The following C2CD5 variants were observed in gnomAD, a reference collection of about 807,000 sequenced individuals.
C2CD5 encodes the protein C2 calcium dependent domain containing 5.
C2CD5 carries 109 observed loss-of-function variants against 130.3 expected under a neutral mutation model. The observed-to-expected ratio is 0.84, with a 90% CI of 0.72 to 0.98. C2CD5 has a LOEUF of 0.98. Among genes scored for constraint, C2CD5 ranks in the 50% least tolerant of loss-of-function variants. The pLI is 0.00. For synonymous variants in C2CD5, 454 were observed against 429.2 expected, an observed-to-expected ratio of 1.06 and a Z score of -0.71; for missense variants, 996 against 1,261.8, an observed-to-expected ratio of 0.79 and a Z score of 3.19.
At chr12:22,532,008 G>A (rs774399719) in intron 3 of C2CD5, among the ~76,000 whole-genome samples, 3 of 152,098 alleles carry the variant, frequency 2.0e-5, no homozygotes, top group East Asian at 3.9e-4. Context: ...TCTGCCAAAC[G>A]CTGAATGTCT....
At chr12:22,475,082 T>C (rs1943651304) in intron 15 of C2CD5, among the ~76,000 whole-genome samples, 191 bp from the exon 16 acceptor site, 1 of 152,032 alleles carries the variant, frequency 6.6e-6, no homozygotes, top group Non-Finnish European at 1.5e-5. Flanking sequence ...GATACACGAA[T>C]CAGAAAAATA....
chr12:22,525,714 T>A lies in C2CD5; in HGVS notation c.350-9A>T, dbSNP rs761612845. The A allele has an allele frequency of 4.5e-6, 6 of 1,340,958 alleles. No individual in the cohort carries two copies. The Admixed American group carries it at 8.8e-5, about 20-fold the overall frequency. The allele number at this position is 1,340,958 out of a possible 1,614,324, so 83.1% of individuals were successfully genotyped here. On this transcript the variant is annotated splice_polypyrimidine_tract_variant and intron_variant, in intron 4 of 26. Transcript: ENST00000446597. ...GATTTCCCCACGGATACCTATAAATTTAAAAAGAAAATCAAGTTTCTACCT... is the reference window on the plus strand; with the variant it reads ...GATTTCCCCACGGATACCTATAAATATAAAAAGAAAATCAAGTTTCTACCT...
At chr12:22,526,278 A>T (rs12299616) in intron 4 of C2CD5, among the ~76,000 whole-genome samples, 5,887 of 152,238 alleles carry the variant, frequency 0.039, 380 homozygotes, top group African/African-American at 0.13. Flanking sequence ...TGATGATGAT[A>T]ATGATTATGG....
chr12:22,495,693 G>C, intron 10 of C2CD5, among the ~76,000 whole-genome samples: 1 of 151,994 alleles, frequency 6.6e-6, no homozygotes, highest in East Asian at 1.9e-4. Flanking sequence ...TATTTAATAA[G>C]TATTTACAAG....
chr12:22,467,917 A>G (rs1054210174), intron 22 of C2CD5, among the ~76,000 whole-genome samples: 2 of 152,208 alleles, frequency 1.3e-5, no homozygotes, highest in African/African-American at 2.4e-5. Context: ...CCTTATAGAC[A>G]AGGCAAACTT....
chr12:22,454,106 C>T (rs908822797), intron 25 of C2CD5, 64 bp from the exon 26 acceptor site: 4 of 1,251,872 alleles, frequency 3.2e-6, no homozygotes, highest in African/African-American at 1.5e-5. Flanking sequence ...GGAATGCACA[C>T]AAAATGTCAA....
chr12:22,473,978 G>GTTA (rs1396434056), intron 16 of C2CD5, among the ~76,000 whole-genome samples: 1 of 152,004 alleles, frequency 6.6e-6, no homozygotes, highest in African/African-American at 2.4e-5. Context: ...TCTCACCTTG[G>GTTA]TTAGGCCTGT....
At chr12:22,510,414 T>G (rs906777689) in intron 9 of C2CD5, among the ~76,000 whole-genome samples, 5 of 152,184 alleles carry the variant, frequency 3.3e-5, no homozygotes, top group Admixed American at 6.5e-5. Context: ...TATTTAATAG[T>G]GTGTGCTCAA....
At chr12:22,474,690 G>C (rs1177695335) in intron 16 of C2CD5, 61 bp downstream of exon 16, 1 of 1,250,214 alleles carries the variant, frequency 8.0e-7, no homozygotes, top group Non-Finnish European at 1.1e-6. Context: ...AATTTAGCAC[G>C]TGAAAAAATG....
At chr12:22,479,518 C>A (rs1379844285) in intron 14 of C2CD5, among the ~76,000 whole-genome samples, 1 of 152,154 alleles carries the variant, frequency 6.6e-6, no homozygotes, top group East Asian at 1.9e-4. Context: ...TTTTGCAAGG[C>A]AAGAGACTGA....
intron 20 of C2CD5, 65 bp from the exon 21 acceptor site, chr12:22,470,976 T>C (rs1043592633): frequency 4.5e-6 from 5 of 1,110,812 alleles, no homozygotes; most frequent in Non-Finnish European, 6.7e-6. Context: ...TTCTTACATA[T>C]TTTTTTCAGT....
At position 22,518,022 on chromosome 12, in the gene C2CD5, A is replaced by G. The variant is rs746910699; in HGVS notation, c.916T>C (p.Ser306Pro). The G allele has an allele frequency of 1.6e-5, 26 of 1,613,910 alleles. No individual in the cohort carries two copies. Among genetic ancestry groups the G allele is most frequent in the Non-Finnish European group, 2.2e-5 (26 of 1,179,878 alleles). ...PSKSYSRQSS[S>P]SDTDLSLTPK... is the part of the protein sequence containing the mutation. ...GTCAAACTCAAATCTGTGTCAGAAGAAGAGGACTGTCGACTGTAGGACTTG... is the reference window on the plus strand; with the variant it reads ...GTCAAACTCAAATCTGTGTCAGAAGGAGAGGACTGTCGACTGTAGGACTTG... Residue 306 changes from serine (S) to proline (P), a missense_variant, in exon 8 of 27, where the codon TCT (serine) becomes CCT (proline). Coordinates refer to ENST00000446597, the MANE Select transcript of C2CD5 (RefSeq NM_001286176.2).
chr12:22,485,122 A>G (rs576742155), intron 12 of C2CD5, among the ~76,000 whole-genome samples: 13 of 152,236 alleles, frequency 8.5e-5, no homozygotes, highest in African/African-American at 3.1e-4. Context: ...GTCATTTTGC[A>G]CCAATTTATT....
chr12:22,512,508 TA>T lies in C2CD5; in HGVS notation c.1038+785del, dbSNP rs970263180. On this transcript the variant is annotated intron_variant, in intron 9 of 26. Transcript: ENST00000446597. ...ACATGAGTCTCACAGTGCTATTAAA[TA>T]AAAAAAAAACTTTGCATTACGAAAA... is the stretch of plus-strand genomic sequence containing the variant. 2.1e-3 allele frequency: 1,125 copies of T among 525,012 alleles called. 4 individuals are homozygous for T. The highest frequency in any genetic ancestry group is 9.9e-3 in the African/African-American group (492 of 49,830). The allele number at this position is 525,012 out of a possible 1,614,324, so 32.5% of individuals were successfully genotyped here.
chr12:22,518,151 G>A lies in C2CD5; in HGVS notation c.801-14C>T, dbSNP rs775585303. On this transcript the variant is annotated splice_polypyrimidine_tract_variant and intron_variant, in intron 7 of 26. Transcript: ENST00000446597. ...TTGAAGGGAATCCTGCCAGAAGAAG[G>A]TGGAGAAATATTAAGTAATCATGTG... 24 of 1,612,724 alleles carry A rather than the reference G, an allele frequency of 1.5e-5. No individual in the cohort carries two copies. Among genetic ancestry groups the A allele is most frequent in the East Asian group, 2.2e-5 (1 of 44,844 alleles).
At chr12:22,533,120 G>A (rs1951467543) in intron 3 of C2CD5, among the ~76,000 whole-genome samples, 2 of 152,154 alleles carry the variant, frequency 1.3e-5, no homozygotes, top group Admixed American at 6.5e-5. Flanking sequence ...AAACATTGCT[G>A]GCACAGGGAA....
At chr12:22,525,095 G>T (rs1459457675) in intron 5 of C2CD5, among the ~76,000 whole-genome samples, 3 of 152,108 alleles carry the variant, frequency 2.0e-5, no homozygotes, top group African/African-American at 7.2e-5. Context: ...ATAACCTGAG[G>T]AGTCAAGTTC....
chr12:22,519,109 T>A (rs1278224464), intron 7 of C2CD5: 2 of 1,534,696 alleles, frequency 1.3e-6, no homozygotes, highest in Non-Finnish European at 1.7e-6. Flanking sequence ...CTGAGCAGTC[T>A]CGTACCAGTA....
chr12:22,509,516 C>T (rs1467792521), intron 9 of C2CD5, among the ~76,000 whole-genome samples: 1 of 152,160 alleles, frequency 6.6e-6, no homozygotes, highest in African/African-American at 2.4e-5. Context: ...CTAATCGGCA[C>T]ACCAATTCAC....
Sources: gnomAD v4.1 joint callset for allele counts (sites outside exome capture counted in the v4.1 genomes callset) on GRCh38, gnomAD v4.1.1 for gene constraint, MANE v1.5 for transcripts, NCBI Gene and HGNC (gene_info 2026-07-23, HGNC 2026-07-21) for gene names.